Variants in COMMD4 observed in about 807,000 individuals in gnomAD.
COMMD4 encodes COMM domain-containing protein 4.
COMMD4 carries 18 observed loss-of-function variants against 27.5 expected under a neutral mutation model. The observed-to-expected ratio is 0.65, with a 90% CI of 0.45 to 0.97. COMMD4 has a LOEUF of 0.97. Ranked by LOEUF, COMMD4 falls within the 50% of genes least tolerant of loss-of-function variation. COMMD4 has a pLI of 0.00. For synonymous variants in COMMD4, 108 were observed against 108.4 expected, an observed-to-expected ratio of 1.00 and a Z score of 0.02; for missense variants, 243 against 250.0, an observed-to-expected ratio of 0.97 and a Z score of 0.19.
chr15:75,342,015 C>G (rs1595844098), downstream of COMMD4: 1 of 124,200 alleles, frequency 8.1e-6, no homozygotes, highest in Non-Finnish European at 1.6e-5. Context: ...CTGCAGTGAG[C>G]TGTGATCATA....
chr15:75,338,951 G>T, intron 4 of COMMD4, 34 bp from the exon 5 acceptor site: 2 of 1,613,810 alleles, frequency 1.2e-6, no homozygotes, highest in Non-Finnish European at 1.7e-6. Flanking sequence ...TGGACCCACA[G>T]TGACACCCCC....
chr15:75,340,283 G>C (rs981568910), downstream of COMMD4: 3 of 489,794 alleles, frequency 6.1e-6, no homozygotes, highest in Non-Finnish European at 1.1e-5. Context: ...ATGTGTGCAG[G>C]GGGTTCTGTT....
chr15:75,339,494 C>G (rs557132853), intron 6 of COMMD4, 150 bp downstream of exon 6: 1 of 1,304,684 alleles, frequency 7.7e-7, no homozygotes, highest in Non-Finnish European at 1.1e-6. Flanking sequence ...TCTCCTGACT[C>G]CCCACAAGGT....
chr15:75,342,096 A>AAAAG (rs2071433156), downstream of COMMD4: 1 of 142,356 alleles, frequency 7.0e-6, no homozygotes, highest in Non-Finnish European at 1.5e-5. Flanking sequence ...AAAAAAAAAA[A>AAAAG]TGTATATATA....
intron 2 of COMMD4, 58 bp downstream of exon 2, chr15:75,338,191 G>A (rs758730672): frequency 8.4e-6 from 13 of 1,548,628 alleles, no homozygotes; most frequent in Non-Finnish European, 1.1e-5. Context: ...GGGGATTGTG[G>A]GTGTAGAGGA....
chr15:75,340,825 T>C (rs563791098), downstream of COMMD4: 4 of 151,196 alleles, frequency 2.6e-5, no homozygotes, highest in African/African-American at 7.3e-5. Context: ...TTTTTTTTTT[T>C]CAGTAGAGAT....
At chr15:75,337,124 G>A (rs1273478973) in intron 1 of COMMD4, 1 of 152,272 alleles carries the variant, frequency 6.6e-6, no homozygotes, top group East Asian at 1.9e-4. Flanking sequence ...TGGGTGCGGT[G>A]GCTCATGCCT....
rs758801790 is a variant in COMMD4, at chr15:75,339,868, C to T, written c.549C>T (p.Val183=). ...CCCTCTCAGCAGACAAGTTCCAGGTCCTCCTGGCAGGTGAGGCTCAGCTAT... is the reference window on the plus strand; with the variant it reads ...CCCTCTCAGCAGACAAGTTCCAGGTTCTCCTGGCAGGTGAGGCTCAGCTAT... The part of the protein sequence containing the change: ...AMSLSADKFQ[V]LLAELKQAQT... The change falls in exon 7 of 8, where the codon GTC becomes GTT. Residue 183 remains valine, a synonymous_variant. Transcript: ENST00000267935. The T allele has an allele frequency of 2.0e-5, 32 of 1,612,842 alleles. No individual in the cohort carries two copies. The highest frequency in any genetic ancestry group is 2.7e-5 in the Non-Finnish European group (32 of 1,179,166).
At chr15:75,339,165 C>T in intron 5 of COMMD4, 61 bp downstream of exon 5, 5 of 1,612,234 alleles carry the variant, frequency 3.1e-6, no homozygotes, top group East Asian at 2.2e-5. Flanking sequence ...GAGAAGGGGA[C>T]AGGCCCTGTG....
chr15:75,336,269 G>C, intron 1 of COMMD4, 177 bp downstream of exon 1: 1 of 1,502,800 alleles, frequency 6.7e-7, no homozygotes, highest in Non-Finnish European at 8.9e-7. Context: ...CCCGAGACGG[G>C]GGCGGGGGTA....
At position 75,338,056 on chromosome 15, in the gene COMMD4, T is replaced by G. The variant is rs2071278067; in HGVS notation, c.4-6T>G. The G allele has an allele frequency of 6.2e-7, 1 of 1,603,808 alleles. No homozygotes were observed. The highest frequency in any genetic ancestry group is 8.5e-7 in the Non-Finnish European group (1 of 1,175,076). On this transcript the variant is annotated splice_polypyrimidine_tract_variant and splice_region_variant and intron_variant, in intron 1 of 7. Transcript: ENST00000267935. ...CAGCCTGATTACCTGCCTCCCTCCCTTGCAGAGGTTCCGGTTCTGTGGTGA... is the reference window on the plus strand; with the variant it reads ...CAGCCTGATTACCTGCCTCCCTCCCGTGCAGAGGTTCCGGTTCTGTGGTGA...
chr15:75,338,285 C>G, intron 2 of COMMD4, 70 bp from the exon 3 acceptor site: 1 of 1,460,678 alleles, frequency 6.8e-7, no homozygotes, highest in Non-Finnish European at 9.4e-7. Flanking sequence ...GGCTGGCCTG[C>G]TCTGAGCCAG....
At chr15:75,337,863 G>A in intron 1 of COMMD4, 199 bp from the exon 2 acceptor site, 4 of 612,828 alleles carry the variant, frequency 6.5e-6, no homozygotes, top group South Asian at 2.0e-5. Flanking sequence ...GTAGACCTCA[G>A]AGCAGGGTTT....
chr15:75,341,983 G>T (rs1007671278), downstream of COMMD4: 1 of 140,896 alleles, frequency 7.1e-6, no homozygotes, highest in South Asian at 2.2e-4. Flanking sequence ...AGGATCAATC[G>T]CTTGAGCCCA....
chr15:75,340,053 G>A lies in COMMD4; in HGVS notation c.*48G>A. 6.2e-7 allele frequency: 1 copy of A among 1,607,492 alleles called. No individual in the cohort carries two copies. The highest frequency in any genetic ancestry group is 8.5e-7 in the Non-Finnish European group (1 of 1,176,610). On this transcript the variant is annotated 3_prime_UTR_variant, in exon 8 of 8. Transcript: ENST00000267935. Reference sequence around the variant, plus strand: ...TGTGGAGCCGCCCTGCCCGTATGGAGTCACGCCCTCTGAACTGCTCTTCGG... The same window carrying A: ...TGTGGAGCCGCCCTGCCCGTATGGAATCACGCCCTCTGAACTGCTCTTCGG...
Position 75,339,292 on chromosome 15 carries a change from T to C in COMMD4, c.330T>C (p.Tyr110=), listed in dbSNP as rs140188369. ...KEHAASLCRC[Y]EEKQSPLQKH... is the part of the protein sequence containing the mutation. ...ACGCGGCCAGCCTGTGCCGCTGTTA[T>C]GAGGAGAAGCAAAGCCCCTTGCAGA... The change falls in exon 6 of 8, where the codon TAT becomes TAC. Residue 110 remains tyrosine (Y), a synonymous_variant. Transcript: ENST00000267935. The C allele has an allele frequency of 7.4e-6, 12 of 1,612,054 alleles. No homozygotes were observed. Among genetic ancestry groups the C allele is most frequent in the African/African-American group, 2.7e-5 (2 of 74,854 alleles).
At position 75,340,125 on chromosome 15, in the gene COMMD4, G is replaced by T. The variant is rs977296345; in HGVS notation, c.*120G>T. The T allele has an allele frequency of 2.5e-6, 3 of 1,188,472 alleles. No homozygotes were observed. The highest frequency in any genetic ancestry group is 2.4e-6 in the Non-Finnish European group (2 of 848,978). The allele number at this position is 1,188,472 out of a possible 1,614,324, so 73.6% of individuals were successfully genotyped here. A position where few individuals can be genotyped will look rare whatever the true frequency, so the allele number is the denominator to read the frequency against. On this transcript the variant is annotated 3_prime_UTR_variant, in exon 8 of 8. Coordinates refer to ENST00000267935, the MANE Select transcript of COMMD4 (RefSeq NM_017828.5). ...TGCTGAGGCCCTGGCCCGGACTCTG[G>T]CCTCCCAGATCCCCAGCTGCCTCAC...
At chr15:75,339,925 G>T (rs747066136) in intron 7 of COMMD4, 40 bp from the exon 8 acceptor site, 12 of 1,613,922 alleles carry the variant, frequency 7.4e-6, no homozygotes, top group Admixed American at 1.7e-5. Flanking sequence ...TCCCAGATCC[G>T]CCTGACTGCC....
In COMMD4 at chr15:75,338,071, T is replaced by C. The variant is rs1431100164; in HGVS notation, c.13T>C (p.Phe5Leu). Residue 5 changes from phenylalanine to leucine, a missense_variant, in exon 2 of 8, where the codon TTC becomes CTC. Transcript: ENST00000267935. MRFR[F>L]CGDLDCPDWV... ...CCTCCCTCCCTTGCAGAGGTTCCGG[T>C]TCTGTGGTGATCTGGACTGTCCCGA... is the stretch of plus-strand genomic sequence containing the variant. 1 of 1,607,292 alleles carries C rather than the reference T, an allele frequency of 6.2e-7. No homozygotes were observed. Among genetic ancestry groups the C allele is most frequent in the Non-Finnish European group, 8.5e-7 (1 of 1,176,762 alleles).
Sources: allele counts gnomAD v4.1 joint callset, GRCh38; gene constraint gnomAD v4.1.1; transcripts MANE v1.5; gene names NCBI Gene and HGNC (gene_info 2026-07-23, HGNC 2026-07-21).